FOCAD: variants seen among roughly 807,000 people sequenced by gnomAD.
FOCAD encodes the protein KIAA1797.
A neutral mutation model predicts 225.6 loss-of-function variants in FOCAD; 198 were observed. That is an observed-to-expected ratio of 0.88 (90% CI 0.78 to 0.99). FOCAD has a LOEUF of 0.99. FOCAD is among the 50% of genes least tolerant of loss of function. The probability of loss-of-function intolerance (pLI) is 0.00; values close to 1 mark genes in which losing one functional copy is unlikely to be tolerated. For missense variants in FOCAD, 2,713 were observed against 2,123.6 expected, an observed-to-expected ratio of 1.28 and a Z score of -5.46; for synonymous variants, 897 against 755.0, an observed-to-expected ratio of 1.19 and a Z score of -3.08.
chr9:20,804,271 A>G (rs892300768), intron 11 of FOCAD, among the ~76,000 whole-genome samples: 1 of 152,038 alleles, frequency 6.6e-6, no homozygotes, highest in East Asian at 1.9e-4. Context: ...GCTATAATCA[A>G]GTATGCCCAT....
chr9:20,678,514 G>A (rs868568424), intron 2 of FOCAD, among the ~76,000 whole-genome samples: 2 of 152,194 alleles, frequency 1.3e-5, no homozygotes, highest in African/African-American at 4.8e-5. Context: ...CTGGGGTGGT[G>A]TGTTACACAG....
At chr9:20,945,132 G>A (rs1293106146) in intron 29 of FOCAD, among the ~76,000 whole-genome samples, 1 of 152,210 alleles carries the variant, frequency 6.6e-6, no homozygotes, top group Non-Finnish European at 1.5e-5. Flanking sequence ...CCAGGAATAA[G>A]CTTCAGAAAC....
In FOCAD at chr9:20,916,887, T is replaced by G; in HGVS notation, c.2808-6T>G. On this transcript the variant is annotated splice_polypyrimidine_tract_variant and splice_region_variant and intron_variant, in intron 23 of 43. Transcript: ENST00000338382. ...AACTCTCGTCTATTTTCCATCTTTA[T>G]TGCAGGGTTAGAGACATGCTGACTG... is the stretch of plus-strand genomic sequence containing the variant. 1 of 1,602,324 alleles carries G rather than the reference T, an allele frequency of 6.2e-7. No homozygotes were observed. Among genetic ancestry groups the G allele is most frequent in the East Asian group, 2.2e-5 (1 of 44,450 alleles).
intron 35 of FOCAD, among the ~76,000 whole-genome samples, chr9:20,954,625 G>C (rs1246578931): frequency 6.6e-6 from 1 of 152,130 alleles, no homozygotes; most frequent in Non-Finnish European, 1.5e-5. Context: ...GAAATGTTCT[G>C]CTATAAGGCT....
At chr9:20,798,227 T>C (rs1003100432) in intron 11 of FOCAD, among the ~76,000 whole-genome samples, 1 of 152,220 alleles carries the variant, frequency 6.6e-6, no homozygotes, top group Non-Finnish European at 1.5e-5. Flanking sequence ...AGCTTTTTGA[T>C]GCGCTGCTGG....
intron 7 of FOCAD, among the ~76,000 whole-genome samples, chr9:20,769,451 A>G (rs904313390): frequency 1.3e-5 from 2 of 152,204 alleles, no homozygotes; most frequent in African/African-American, 2.4e-5. Context: ...TTTGAATTGC[A>G]TTGGGATTTT....
rs564661515 is a variant in FOCAD, at chr9:20,966,293, G to A, written c.4133-10127G>A. ...TTTCCCTAATGACTAATAATGTTAA[G>A]TATCTTTTCATGTACTTATTAGCCA... On this transcript the variant is annotated intron_variant, in intron 35 of 43. Transcript: ENST00000338382. 1.3e-5 allele frequency among the ~76,000 whole-genome samples: 2 copies of A among 151,862 alleles called. 1 individual carries two copies. Among genetic ancestry groups the A allele is most frequent in the South Asian group, 4.2e-4 (2 of 4,812 alleles).
intron 15 of FOCAD, among the ~76,000 whole-genome samples, chr9:20,824,141 G>A (rs1824630124): frequency 6.6e-6 from 1 of 152,028 alleles, no homozygotes; most frequent in Non-Finnish European, 1.5e-5. Context: ...GAACTTAATG[G>A]CAAGGGGCTA....
chr9:20,745,020 C>A (rs1022160711), intron 5 of FOCAD, among the ~76,000 whole-genome samples: 1 of 151,930 alleles, frequency 6.6e-6, no homozygotes, highest in Non-Finnish European at 1.5e-5. Flanking sequence ...TTCAGACTTT[C>A]TTTTTTTCTC....
intron 13 of FOCAD, 81 bp downstream of exon 13, chr9:20,820,506 G>A (rs141850762): frequency 7.9e-7 from 1 of 1,272,298 alleles, no homozygotes; most frequent in African/African-American, 1.5e-5. Flanking sequence ...ATATGGCAAT[G>A]CTTTGGTTTA....
At chr9:20,912,747 T>C in intron 22 of FOCAD, 119 bp from the exon 23 acceptor site, 1 of 683,476 alleles carries the variant, frequency 1.5e-6, no homozygotes, top group East Asian at 2.6e-5. Context: ...CATAATCTAA[T>C]GTCTTACCCA....
chr9:20,663,162 G>T lies in FOCAD; in HGVS notation c.-78+4336G>T, dbSNP rs149395233. On this transcript the variant is annotated intron_variant, in intron 2 of 45. Coordinates refer to the FOCAD transcript ENST00000380249. Reference sequence around the variant, plus strand: ...AGCTCTTTGAGAGGCTGAGGTGGGAGGATTGCTTAAAGTTAGGAGTTTGAG... The same window carrying T: ...AGCTCTTTGAGAGGCTGAGGTGGGATGATTGCTTAAAGTTAGGAGTTTGAG... 4.0e-3 allele frequency among the ~76,000 whole-genome samples: 606 copies of T among 152,146 alleles called. 2 individuals are homozygous for T. Among genetic ancestry groups the T allele is most frequent in the African/African-American group, 0.014 (567 of 41,496 alleles).
In FOCAD at chr9:20,766,827, CT is replaced by C. The variant is rs527809234; in HGVS notation, c.699+1764del. On this transcript the variant is annotated intron_variant, in intron 7 of 43. Transcript: ENST00000338382. Reference sequence around the variant, plus strand: ...ATGACTACAATGCTGTTGATGTGGTCTTTTTTTTTTATTATACTTTAAGTTT... The same window carrying C: ...ATGACTACAATGCTGTTGATGTGGTCTTTTTTTTTATTATACTTTAAGTTT... Among the ~76,000 whole-genome samples, 1,251 of 146,936 alleles carry C rather than the reference CT, an allele frequency of 8.5e-3. 17 individuals carry two copies. Among genetic ancestry groups the C allele is most frequent in the African/African-American group, 0.028 (1,123 of 40,166 alleles).
At chr9:20,705,331 A>G (rs1824297201) in intron 1 of FOCAD, among the ~76,000 whole-genome samples, 1 of 152,226 alleles carries the variant, frequency 6.6e-6, no homozygotes, top group Non-Finnish European at 1.5e-5. Context: ...GGTATTTTAT[A>G]GAAAATCCCA....
chr9:20,829,602 A>C (rs1445101955), intron 15 of FOCAD, among the ~76,000 whole-genome samples: 1 of 152,070 alleles, frequency 6.6e-6, no homozygotes. Context: ...TTTAACAATA[A>C]AAAAATGTAA....
chr9:20,882,741 C>T lies in FOCAD; in HGVS notation c.2503+685C>T, dbSNP rs564812161. On this transcript the variant is annotated intron_variant, in intron 20 of 43. Transcript: ENST00000338382. Reference sequence around the variant, plus strand: ...CATGTGGAGCAAGAGTGACACAACTCAGAACTTGAGTGACCTTGAGCACAA... The same window carrying T: ...CATGTGGAGCAAGAGTGACACAACTTAGAACTTGAGTGACCTTGAGCACAA... 9.2e-5 allele frequency among the ~76,000 whole-genome samples: 14 copies of T among 152,304 alleles called. No homozygotes were observed. In the East Asian group the frequency reaches 1.9e-3, roughly 21 times the overall value.
At chr9:20,984,636 A>T (rs553256345) in intron 39 of FOCAD, among the ~76,000 whole-genome samples, 6 of 152,304 alleles carry the variant, frequency 3.9e-5, no homozygotes, top group African/African-American at 1.2e-4. Context: ...CAGCTTCTTC[A>T]TTCCATCTGT....
chr9:20,944,487 G>A lies in FOCAD; in HGVS notation c.3408-140G>A, dbSNP rs560657396. 3.7e-5 allele frequency: 30 copies of A among 815,464 alleles called. No homozygotes were observed. The East Asian group carries it at 7.0e-4, about 19-fold the overall frequency. The allele number at this position is 815,464 out of a possible 1,614,324, so 50.5% of individuals were successfully genotyped here. A position where few individuals can be genotyped will look rare whatever the true frequency, so the allele number is the denominator to read the frequency against. Reference sequence around the variant, plus strand: ...ATGTGTACTTGTCATGGATGATGGGGCACACCATCTACTAGGCAGCAGAAT... The same window carrying A: ...ATGTGTACTTGTCATGGATGATGGGACACACCATCTACTAGGCAGCAGAAT... On this transcript the variant is annotated intron_variant, in intron 28 of 43. Coordinates refer to ENST00000338382, the MANE Select transcript of FOCAD (RefSeq NM_001375567.1).
intron 2 of FOCAD, among the ~76,000 whole-genome samples, chr9:20,670,801 C>A (rs531030130): frequency 6.6e-6 from 1 of 152,196 alleles, no homozygotes; most frequent in South Asian, 2.1e-4. Context: ...AAATTTGTAT[C>A]CCTATTTCTA....
Sources: allele counts gnomAD v4.1 joint callset (sites outside exome capture counted in the v4.1 genomes callset), GRCh38; gene constraint gnomAD v4.1.1; transcripts MANE v1.5; gene names NCBI Gene and HGNC (gene_info 2026-07-23, HGNC 2026-07-21).